Variants in NBAS observed in about 807,000 individuals in gnomAD.
NBAS encodes the protein NAG/BC035112 fusion.
Under a neutral mutation model 302.5 loss-of-function variants are expected in NBAS, and 219 were observed. That is an observed-to-expected ratio of 0.72 (90% confidence interval 0.65 to 0.81). The LOEUF is 0.81. Ranked by LOEUF, NBAS falls within the 30% of genes least tolerant of loss-of-function variation. The probability of loss-of-function intolerance (pLI) is 0.00; values close to 1 mark genes in which losing one functional copy is unlikely to be tolerated. For missense variants in NBAS, 2,932 were observed against 2,841.6 expected, an observed-to-expected ratio of 1.03 and a Z score of -0.72; for synonymous variants, 1,118 against 1,021.6, an observed-to-expected ratio of 1.09 and a Z score of -1.80.
chr2:15,478,704 T>C (rs1023475497), intron 12 of NBAS, among the ~76,000 whole-genome samples: 1 of 152,186 alleles, frequency 6.6e-6, no homozygotes, highest in Non-Finnish European at 1.5e-5. Context: ...GAGACTTGAC[T>C]AGGCAACCTC....
chr2:15,158,662 G>A, the NBAS span, among the ~76,000 whole-genome samples: 2 of 152,174 alleles, frequency 1.3e-5, no homozygotes, highest in African/African-American at 2.4e-5. Context: ...AGCCAGAGTC[G>A]GGGCCCAGGA....
At chr2:15,557,518 T>C (rs1664704384) in intron 2 of NBAS, among the ~76,000 whole-genome samples, 1 of 152,176 alleles carries the variant, frequency 6.6e-6, no homozygotes, top group Admixed American at 6.5e-5. Flanking sequence ...TTATGAAAAC[T>C]GAATATGCTA....
intron 35 of NBAS, among the ~76,000 whole-genome samples, chr2:15,341,138 T>C (rs1322183790): frequency 6.6e-6 from 1 of 152,046 alleles, no homozygotes. Context: ...GTAATTCCAG[T>C]GCTTTAGGAG....
the NBAS span, among the ~76,000 whole-genome samples, chr2:15,043,929 C>T: frequency 2.6e-5 from 4 of 152,062 alleles, no homozygotes; most frequent in South Asian, 4.1e-4. Context: ...TTGATGCATT[C>T]GGGCAGAGAT....
chr2:15,225,951 CAT>C (rs1230157488), intron 47 of NBAS, among the ~76,000 whole-genome samples: 7 of 152,144 alleles, frequency 4.6e-5, no homozygotes, highest in African/African-American at 1.4e-4. Context: ...AAAGTTCTTC[CAT>C]GGACTGGGTA....
intron 32 of NBAS, among the ~76,000 whole-genome samples, chr2:15,363,635 C>A (rs1674049774): frequency 6.6e-6 from 1 of 152,134 alleles, no homozygotes; most frequent in Admixed American, 6.5e-5. Flanking sequence ...AATGAGATTC[C>A]TATTTCTGCC....
At chr2:15,108,022 T>A in the NBAS span, among the ~76,000 whole-genome samples, 1 of 152,144 alleles carries the variant, frequency 6.6e-6, no homozygotes, top group Non-Finnish European at 1.5e-5. Flanking sequence ...AATAGTTCAT[T>A]CCTTTTTATT....
chr2:15,379,186 G>C lies in NBAS; in HGVS notation c.3590+416C>G, dbSNP rs1674901577. The stretch of plus-strand genomic sequence containing the variant: ...GGTTTATCATCTAATCAGGTCCCTT[G>C]TCTCTCTCTCTTTTTTTTTTTCAAA... On this transcript the variant is annotated intron_variant, in intron 30 of 51. Coordinates refer to ENST00000281513, the MANE Select transcript of NBAS (RefSeq NM_015909.4). Among the ~76,000 whole-genome samples, 3 of 124,102 alleles carry C rather than the reference G, an allele frequency of 2.4e-5. 1 individual carries two copies. The South Asian group carries it at 7.9e-4, about 33-fold the overall frequency. The allele number at this position is 124,102 out of a possible 152,430, so 81.4% of individuals were successfully genotyped here.
At chr2:14,908,614 G>T in the NBAS span, among the ~76,000 whole-genome samples, 1 of 152,178 alleles carries the variant, frequency 6.6e-6, no homozygotes, top group African/African-American at 2.4e-5. Context: ...TAAAATGCCA[G>T]GAGTATTACT....
At chr2:15,396,386 A>G (rs112854241) in intron 27 of NBAS, 27 bp downstream of exon 27, 12 of 1,344,482 alleles carry the variant, frequency 8.9e-6, no homozygotes, top group Admixed American at 8.2e-5. Flanking sequence ...AAGCATGGAG[A>G]AAAAAAAAAA....
intron 19 of NBAS, among the ~76,000 whole-genome samples, chr2:15,466,525 A>T (rs562305858): frequency 3.9e-5 from 6 of 152,200 alleles, no homozygotes; most frequent in African/African-American, 9.7e-5. Context: ...ACATGGGGAC[A>T]TCTATGTTTG....
At chr2:15,199,444 T>A (rs1665776858) in intron 48 of NBAS, among the ~76,000 whole-genome samples, 1 of 152,222 alleles carries the variant, frequency 6.6e-6, no homozygotes, top group Non-Finnish European at 1.5e-5. Context: ...AAAATACATA[T>A]GTTCCAAGCA....
chr2:15,004,334 A>G, the NBAS span, among the ~76,000 whole-genome samples: 1 of 152,248 alleles, frequency 6.6e-6, no homozygotes, highest in Admixed American at 6.5e-5. Context: ...ATAGCATTCA[A>G]TTAGAATTAA....
intron 48 of NBAS, among the ~76,000 whole-genome samples, chr2:15,204,574 G>A (rs2147842226): frequency 6.6e-6 from 1 of 152,184 alleles, no homozygotes; most frequent in Non-Finnish European, 1.5e-5. Context: ...TGTTTTTGCG[G>A]CACTATTCAC....
intron 35 of NBAS, among the ~76,000 whole-genome samples, chr2:15,341,590 C>G (rs1237341894): frequency 2.0e-5 from 3 of 151,946 alleles, no homozygotes; most frequent in Non-Finnish European, 4.4e-5. Flanking sequence ...ATTACAAACA[C>G]AGTTATTTTA....
chr2:15,358,777 G>T (rs139923448), intron 32 of NBAS, among the ~76,000 whole-genome samples: 3 of 152,022 alleles, frequency 2.0e-5, no homozygotes, highest in Non-Finnish European at 2.9e-5. Context: ...GGAGCCAACC[G>T]GCCTGTGATC....
At chr2:15,372,755 C>G (rs750097959) in intron 31 of NBAS, among the ~76,000 whole-genome samples, 3 of 152,294 alleles carry the variant, frequency 2.0e-5, no homozygotes, top group South Asian at 2.1e-4. Flanking sequence ...TCAGAAGCCA[C>G]AGCAGGGCAG....
chr2:15,079,054 T>G, the NBAS span, among the ~76,000 whole-genome samples: 51 of 152,068 alleles, frequency 3.4e-4, no homozygotes, highest in Admixed American at 3.9e-4. Flanking sequence ...TCCCCTCAAG[T>G]AGGAAAAGTG....
chr2:15,434,131 A>G (rs1677895314), intron 21 of NBAS, among the ~76,000 whole-genome samples: 1 of 152,106 alleles, frequency 6.6e-6, no homozygotes, highest in Non-Finnish European at 1.5e-5. Flanking sequence ...TCAAAAAAAT[A>G]AATTAAATTA....
Sources: gnomAD v4.1 joint callset for allele counts (sites outside exome capture counted in the v4.1 genomes callset) on GRCh38, gnomAD v4.1.1 for gene constraint, MANE v1.5 for transcripts, NCBI Gene and HGNC (gene_info 2026-07-23, HGNC 2026-07-21) for gene names.